The following XPO5 variants were observed in gnomAD, a reference collection of about 807,000 sequenced individuals.
XPO5 encodes exportin-5.
Under a neutral mutation model 160.6 loss-of-function variants are expected in XPO5, and 46 were observed. The observed-to-expected ratio is 0.29, with a 90% CI of 0.23 to 0.37. The LOEUF (loss-of-function observed/expected upper bound fraction) is 0.37, where lower values mean the gene tolerates loss of function less well. XPO5 is among the 10% of genes least tolerant of loss of function. XPO5 has a pLI of 1.00. For missense variants in XPO5, 1,090 were observed against 1,463.9 expected (o/e 0.74, Z 4.17); for synonymous variants, 537 against 519.3 (o/e 1.03, Z -0.46).
chr6:43,548,179 C>T (rs1477213305), intron 18 of XPO5, 82 bp downstream of exon 18: 2 of 1,384,778 alleles, frequency 1.4e-6, no homozygotes, highest in Non-Finnish European at 2.0e-6. Context: ...TATCCTTAAC[C>T]CCTACCCCAC....
At chr6:43,565,120 C>T (rs1398553925) in intron 8 of XPO5, among the ~76,000 whole-genome samples, 2 of 151,974 alleles carry the variant, frequency 1.3e-5, no homozygotes, top group South Asian at 2.1e-4. Flanking sequence ...TGGGGTTTCA[C>T]CGTGTTGGCC....
Position 43,547,596 on chromosome 6 carries a change from G to A in XPO5, c.2160+12C>T, listed in dbSNP as rs1196876930. 1 of 1,613,478 alleles carries A rather than the reference G, an allele frequency of 6.2e-7. No individual in the cohort carries two copies. Among genetic ancestry groups the A allele is most frequent in the African/African-American group, 1.3e-5 (1 of 74,916 alleles). ...TGGCCAATGCCACTTCCCATTCCCA[G>A]GAAAGTCTTACTCGTGCACGGTTTA... On this transcript the variant is annotated intron_variant, in intron 19 of 31. Coordinates refer to ENST00000265351, the MANE Select transcript of XPO5 (RefSeq NM_020750.3).
At chr6:43,549,352 C>G in intron 17 of XPO5, 137 bp downstream of exon 17, 1 of 816,308 alleles carries the variant, frequency 1.2e-6, no homozygotes, top group Non-Finnish European at 1.8e-6. Flanking sequence ...GTGTGAGCCA[C>G]CATGCCCGGC....
chr6:43,563,884 C>T (rs138478312), intron 8 of XPO5, among the ~76,000 whole-genome samples: 243 of 152,268 alleles, frequency 1.6e-3, no homozygotes, highest in African/African-American at 5.5e-3. Context: ...CTGGACCCTA[C>T]TGTAGACTTT....
chr6:43,525,868 C>G lies in XPO5; in HGVS notation c.3037G>C (p.Asp1013His). The G allele has an allele frequency of 6.2e-7, 1 of 1,614,054 alleles. No individual in the cohort carries two copies. The highest frequency in any genetic ancestry group is 2.2e-5 in the East Asian group (1 of 44,894). ...TGCTTCATCAGACATTTGCCCAGGTCTGTAAGCTCTGCCATAGCTGAGGGG... is the reference window on the plus strand; with the variant it reads ...TGCTTCATCAGACATTTGCCCAGGTGTGTAAGCTCTGCCATAGCTGAGGGG... ...VTPSAMAELT[D>H]LGKCLMKHED... is the part of the protein sequence containing the mutation. Residue 1013 changes from aspartate (D) to histidine (H), a missense_variant, in exon 28 of 32, where the codon GAC becomes CAC. Physicochemically the swap from Asp to His is moderately conservative, Grantham distance 81. This residue lies in a region of XPO5 where 810 missense variants were observed against 1,139.0 expected (regional missense o/e 0.71). Coordinates refer to ENST00000265351, the MANE Select transcript of XPO5 (RefSeq NM_020750.3).
intron 20 of XPO5, among the ~76,000 whole-genome samples, chr6:43,537,963 G>A (rs972013938): frequency 6.6e-6 from 1 of 150,900 alleles, no homozygotes; most frequent in Non-Finnish European, 1.5e-5. Context: ...AGCTACTCGA[G>A]AGGCTGAGGC....
At chr6:43,545,662 G>A (rs1794928677) in intron 20 of XPO5, among the ~76,000 whole-genome samples, 1 of 151,838 alleles carries the variant, frequency 6.6e-6, no homozygotes, top group South Asian at 2.1e-4. Context: ...AGCCAAGATT[G>A]CACCACTGCA....
chr6:43,550,687 G>C (rs1795185241), intron 15 of XPO5, among the ~76,000 whole-genome samples: 1 of 152,176 alleles, frequency 6.6e-6, no homozygotes. Context: ...TTTATTGTGA[G>C]ATGTCTCCAT....
rs1173275834 is a variant in XPO5 at position 43,575,973 on chromosome 6, G to C, written c.-109C>G. 8 of 1,081,070 alleles carry C rather than the reference G, an allele frequency of 7.4e-6. No homozygotes were observed. The highest frequency in any genetic ancestry group is 4.1e-5 in the Admixed American group (2 of 49,008). 67.0% of individuals were successfully genotyped at this position (1,081,070 alleles called of 1,614,324 possible). A position where few individuals can be genotyped will look rare whatever the true frequency, so the allele number is the denominator to read the frequency against. On this transcript the variant is annotated 5_prime_UTR_variant, in exon 1 of 32. Transcript: ENST00000265351. Reference sequence around the variant, plus strand: ...TGGTACCGGGCCGCGGCGGGCGGCGGGGGTGGGAAGCTGGAGGAGGAGCGT... The same window carrying C: ...TGGTACCGGGCCGCGGCGGGCGGCGCGGGTGGGAAGCTGGAGGAGGAGCGT...
chr6:43,532,270 A>G (rs2127709161), intron 21 of XPO5, among the ~76,000 whole-genome samples: 1 of 152,358 alleles, frequency 6.6e-6, no homozygotes, highest in Middle Eastern at 3.4e-3. Flanking sequence ...ATTCAGGACT[A>G]TCTAGGCTGA....
At chr6:43,529,942 A>G (rs955439074) in intron 23 of XPO5, among the ~76,000 whole-genome samples, 4 of 151,170 alleles carry the variant, frequency 2.6e-5, no homozygotes, top group Non-Finnish European at 5.9e-5. Context: ...TTCTAAAAAT[A>G]CAGAAAAGGG....
At chr6:43,568,488 C>A (rs1020056601) in intron 6 of XPO5, among the ~76,000 whole-genome samples, 2 of 152,018 alleles carry the variant, frequency 1.3e-5, no homozygotes, top group East Asian at 3.9e-4. Flanking sequence ...CACCTATATT[C>A]CCAGCTACTC....
chr6:43,533,785 T>C (rs1794147965), intron 21 of XPO5, 122 bp downstream of exon 21: 1 of 583,840 alleles, frequency 1.7e-6, no homozygotes, highest in Non-Finnish European at 2.8e-6. Context: ...CAGTGAGCTA[T>C]GGTTGCACCA....
At chr6:43,534,141 G>A in intron 20 of XPO5, 134 bp from the exon 21 acceptor site, 5 of 560,326 alleles carry the variant, frequency 8.9e-6, no homozygotes, top group South Asian at 1.8e-5. Flanking sequence ...AAGAAAAGAA[G>A]GTATAAATAT....
chr6:43,554,474 G>C (rs1761924980), intron 13 of XPO5, among the ~76,000 whole-genome samples: 1 of 150,724 alleles, frequency 6.6e-6, no homozygotes, highest in African/African-American at 2.4e-5. Context: ...GCCCAGGCTG[G>C]AGTGCAGTGG....
chr6:43,568,972 A>G (rs1762846975), intron 5 of XPO5, among the ~76,000 whole-genome samples: 1 of 152,236 alleles, frequency 6.6e-6, no homozygotes, highest in African/African-American at 2.4e-5. Context: ...TGTATAGCCT[A>G]AGTATATGAA....
chr6:43,567,407 A>T, intron 6 of XPO5, 53 bp from the exon 7 acceptor site: 1 of 1,503,466 alleles, frequency 6.7e-7, no homozygotes, highest in Non-Finnish European at 8.9e-7. Flanking sequence ...ACAGGTAAGG[A>T]ATCAGTGGTT....
At chr6:43,541,082 G>A (rs9462902) in intron 20 of XPO5, among the ~76,000 whole-genome samples, 16,533 of 152,130 alleles carry the variant, frequency 0.11, 1,956 homozygotes, top group African/African-American at 0.29. Context: ...CAGAGTGTAA[G>A]GATGGTTAGC....
Position 43,567,201 on chromosome 6 carries a change from C to A in XPO5, c.802G>T (p.Ala268Ser), listed in dbSNP as rs202060670. 97 of 1,613,204 alleles carry A rather than the reference C, an allele frequency of 6.0e-5. No homozygotes were observed. Among genetic ancestry groups the A allele is most frequent in the Non-Finnish European group, 7.6e-5 (90 of 1,179,580 alleles). Residue 268 changes from alanine (A) to serine (S), a missense_variant, in exon 7 of 32, where the codon GCT (alanine) becomes TCT (serine). By Grantham distance (99) the Ala-to-Ser change is moderately conservative. This residue lies in a region of XPO5 where 110 missense variants were observed against 97.9 expected (regional missense o/e 1.12). Coordinates refer to ENST00000265351, the MANE Select transcript of XPO5 (RefSeq NM_020750.3). ...CTGACTGCAATGAGAAGACACTCAG[C>A]GGCTCCCAACTGAAGTTCCTGTTCA... ...LNEQELQLGA[A>S]ECLLIAVSRK...
Sources: allele counts gnomAD v4.1 joint callset (sites outside exome capture counted in the v4.1 genomes callset), GRCh38; gene constraint gnomAD v4.1.1; regional missense constraint gnomAD v4.1.1; transcripts MANE v1.5; gene names NCBI Gene and HGNC (gene_info 2026-07-23, HGNC 2026-07-21).